The following PRRC2A variants were observed in gnomAD, a reference collection of about 807,000 sequenced individuals.
The protein encoded by PRRC2A is protein PRRC2A.
PRRC2A carries 59 observed loss-of-function variants against 224.6 expected under a neutral mutation model. The observed-to-expected ratio is 0.26, with a 90% CI of 0.21 to 0.33. The LOEUF (loss-of-function observed/expected upper bound fraction) is 0.33, where lower values mean the gene tolerates loss of function less well. Among genes scored for constraint, PRRC2A ranks in the 10% least tolerant of loss-of-function variants. The probability of loss-of-function intolerance (pLI) is 1.00; values close to 1 mark genes in which losing one functional copy is unlikely to be tolerated. For synonymous variants in PRRC2A, 1,194 were observed against 1,109.5 expected, an observed-to-expected ratio of 1.08 and a Z score of -1.51; for missense variants, 3,095 against 2,880.7, an observed-to-expected ratio of 1.07 and a Z score of -1.70.
chr6:31,629,611 C>T lies in PRRC2A; in HGVS notation c.2020C>T (p.Pro674Ser), dbSNP rs896934747. 2 of 1,612,706 alleles carry T rather than the reference C, an allele frequency of 1.2e-6. No homozygotes were observed. The highest frequency in any genetic ancestry group is 8.5e-7 in the Non-Finnish European group (1 of 1,179,664). The change falls in exon 14 of 31, where the codon CCT becomes TCT. Residue 674 changes from proline (P) to serine (S), a missense_variant. Physicochemically the swap from Pro to Ser is moderately conservative, Grantham distance 74. Around this residue, in one of 8 missense-constraint regions of PRRC2A, gnomAD observed 2,001 missense variants for 1,764.9 expected, o/e 1.13. Coordinates refer to ENST00000376033, the MANE Select transcript of PRRC2A (RefSeq NM_004638.4). Reference sequence around the variant, plus strand: ...GCAGCATCAACAGGGCTCTGCCCCTCCTACCCCAGTGCCCCCATCACCACC... The same window carrying T: ...GCAGCATCAACAGGGCTCTGCCCCTTCTACCCCAGTGCCCCCATCACCACC... ...WQQHQQGSAP[P>S]TPVPPSPPQP... is the part of the protein sequence containing the mutation.
chr6:31,627,035 A>C lies in PRRC2A; in HGVS notation c.1127A>C (p.Lys376Thr). The C allele has an allele frequency of 6.2e-7, 1 of 1,614,190 alleles. No individual in the cohort carries two copies. Among genetic ancestry groups the C allele is most frequent in the South Asian group, 1.1e-5 (1 of 91,088 alleles). Residue 376 changes from lysine to threonine, a missense_variant, in exon 11 of 31, where the codon AAA becomes ACA. Around this residue, in one of 8 missense-constraint regions of PRRC2A, gnomAD observed 2,001 missense variants for 1,764.9 expected, o/e 1.13. Transcript: ENST00000376033. The surrounding 1 kb of genome is among the most constrained non-coding windows in gnomAD (Gnocchi z 5.6). ...GAACGGCCCCCTGAAGCAGATGGCA[A>C]AAAGGGCAACTCCCCCAACAGCGAA... is the stretch of plus-strand genomic sequence containing the variant. ...GEERPPEADG[K>T]KGNSPNSEPP...
In PRRC2A at chr6:31,637,382, GTCCT is replaced by G; in HGVS notation, c.6334-60_6334-57del. ...AATTCGAGTTGCCACCTGATTTCCT[GTCCT>G]TCCGTCTCATCGCTGACCTCTCACT... On this transcript the variant is annotated intron_variant, in intron 30 of 30. Transcript: ENST00000376033. The G allele has an allele frequency of 3.1e-6, 5 of 1,602,070 alleles. No homozygotes were observed. The South Asian group carries it at 3.3e-5, about 11-fold the overall frequency.
chr6:31,633,985 A>C lies in PRRC2A; in HGVS notation c.4715A>C (p.Gln1572Pro). 1 of 1,605,268 alleles carries C rather than the reference A, an allele frequency of 6.2e-7. No individual in the cohort carries two copies. The highest frequency in any genetic ancestry group is 8.5e-7 in the Non-Finnish European group (1 of 1,178,028). ...CCTCCCAGAAAACCAGAGCTGCTAC[A>C]GGAGGTAAGGGATGGGTTTGAGATT... is the stretch of plus-strand genomic sequence containing the variant. ...ERPPRKPELL[Q>P]EESLPPPHSS... The change falls in exon 18 of 31, where the codon CAG (glutamine) becomes CCG (proline). Residue 1572 changes from glutamine (Q) to proline (P), a missense_variant. Around this residue, in one of 8 missense-constraint regions of PRRC2A, gnomAD observed 2,001 missense variants for 1,764.9 expected, o/e 1.13. Coordinates refer to ENST00000376033, the MANE Select transcript of PRRC2A (RefSeq NM_004638.4).
chr6:31,624,067 C>G (rs998802491), intron 3 of PRRC2A, among the ~76,000 whole-genome samples, 158 bp downstream of exon 3: 1 of 152,146 alleles, frequency 6.6e-6, no homozygotes, highest in Non-Finnish European at 1.5e-5. Flanking sequence ...AGGAATGGTA[C>G]TAAACTTTAG....
At position 31,624,300 on chromosome 6, in the gene PRRC2A, A is replaced by G. The variant is rs1775641900; in HGVS notation, c.330A>G (p.Pro110=). Residue 110 remains proline, a synonymous_variant, in exon 4 of 31, where the codon CCA becomes CCG. Transcript: ENST00000376033. ...ASTAQPPESQ[P]LPASQTPASN... is the part of the protein sequence containing the mutation. ...CCGCTCAGCCGCCGGAATCGCAGCC[A>G]CTGCCGGCTTCACAGACGCCTGCCT... 2 of 1,613,950 alleles carry G rather than the reference A, an allele frequency of 1.2e-6. No homozygotes were observed. Among genetic ancestry groups the G allele is most frequent in the East Asian group, 2.2e-5 (1 of 44,888 alleles).
chr6:31,633,831 A>C, intron 17 of PRRC2A, 28 bp from the exon 18 acceptor site: 1 of 1,553,018 alleles, frequency 6.4e-7, no homozygotes, highest in Non-Finnish European at 8.6e-7. Flanking sequence ...AGAGCCAGGC[A>C]GATGCTGACC....
In PRRC2A at chr6:31,627,903, C is replaced by T. The variant is rs17857493; in HGVS notation, c.1429C>T (p.Arg477Cys). ...ARRRREEEER[R>C]MQEERRAACA... ...GCGACGGCGAGAAGAAGAGGAGCGG[C>T]GCATGCAAGAAGAGCGCCGGGCAGC... The change falls in exon 12 of 31, where the codon CGC (arginine) becomes TGC (cysteine). Residue 477 changes from arginine to cysteine, a missense_variant. Transcript: ENST00000376033. The surrounding 1 kb of genome is among the most constrained non-coding windows in gnomAD (Gnocchi z 5.6). 7.4e-6 allele frequency: 12 copies of T among 1,613,012 alleles called. No homozygotes were observed. The highest frequency in any genetic ancestry group is 8.5e-6 in the Non-Finnish European group (10 of 1,180,034).
Position 31,637,299 on chromosome 6 carries a change from C to G in PRRC2A, c.6308C>G (p.Thr2103Ser). Residue 2103 changes from threonine to serine, a missense_variant, in exon 30 of 31, where the codon ACC (threonine) becomes AGC (serine). This residue lies in a region of PRRC2A where 662 missense variants were observed against 609.5 expected (regional missense o/e 1.09). Coordinates refer to ENST00000376033, the MANE Select transcript of PRRC2A (RefSeq NM_004638.4). ...TCCACCTACAGTGGAGTCTTCCGCA[C>G]CCAGCGCGTCGACCTTTACCAGCAG... ...TPSTYSGVFR[T>S]QRVDLYQQAS... The G allele has an allele frequency of 6.2e-7, 1 of 1,612,406 alleles. No individual in the cohort carries two copies. Among genetic ancestry groups the G allele is most frequent in the African/African-American group, 1.3e-5 (1 of 75,044 alleles).
At chr6:31,633,836 C>G in intron 17 of PRRC2A, 23 bp from the exon 18 acceptor site, 1 of 1,567,770 alleles carries the variant, frequency 6.4e-7, no homozygotes, top group East Asian at 2.3e-5. Context: ...CAGGCAGATG[C>G]TGACCCTTTT....
chr6:31,620,729 C>T lies in PRRC2A; in HGVS notation c.-230C>T, dbSNP rs567602926. On this transcript the variant is annotated 5_prime_UTR_variant, in exon 1 of 31. Transcript: ENST00000376033. The stretch of plus-strand genomic sequence containing the variant: ...GATGGGCCGTTAGTCGGGGCTCAGC[C>T]GCGGAGTGAGCGAGGGAGACGGGAG... 1 of 152,212 alleles carries T rather than the reference C, an allele frequency of 6.6e-6. No homozygotes were observed. The highest frequency in any genetic ancestry group is 2.4e-5 in the African/African-American group (1 of 41,446). The allele number at this position is 152,212 out of a possible 1,614,324, so 9.4% of individuals were successfully genotyped here.
Position 31,635,197 on chromosome 6 carries a change from C to T in PRRC2A, c.5226C>T (p.Asp1742=). Residue 1742 remains aspartate (D), a synonymous_variant, in exon 22 of 31, where the codon GAC becomes GAT. Transcript: ENST00000376033. ...GCACAGAACGATCACAGCGTACAGA[C>T]CGAGGCACAGAGCCTGGCCCCATTC... The part of the protein sequence containing the change: ...PIGTERSQRT[D]RGTEPGPIRP... 2 of 1,612,880 alleles carry T rather than the reference C, an allele frequency of 1.2e-6. No homozygotes were observed. Among genetic ancestry groups the T allele is most frequent in the Non-Finnish European group, 1.7e-6 (2 of 1,178,864 alleles).
At chr6:31,629,453 A>T in intron 13 of PRRC2A, 95 bp from the exon 14 acceptor site, 1 of 1,443,450 alleles carries the variant, frequency 6.9e-7, no homozygotes, top group East Asian at 2.3e-5. Context: ...CTCCATTGTC[A>T]CGCCAATTTC....
At chr6:31,634,085 C>T in intron 18 of PRRC2A, 96 bp downstream of exon 18, 1 of 1,577,328 alleles carries the variant, frequency 6.3e-7, no homozygotes, top group African/African-American at 1.4e-5. Context: ...GTTTCTTTCA[C>T]TGTGTTTTTA....
At chr6:31,629,401 A>C in intron 13 of PRRC2A, 67 bp downstream of exon 13, 1 of 1,512,670 alleles carries the variant, frequency 6.6e-7, no homozygotes, top group Admixed American at 2.1e-5. Context: ...AATTCTCTTC[A>C]TAAGTTACCT....
At chr6:31,622,280 C>G (rs1775375692) in intron 1 of PRRC2A, among the ~76,000 whole-genome samples, 1 of 152,192 alleles carries the variant, frequency 6.6e-6, no homozygotes, top group Non-Finnish European at 1.5e-5. Context: ...GAGCTTGTGT[C>G]CAATAAACAG....
In PRRC2A at chr6:31,636,572, A is replaced by C. The variant is rs1777373709; in HGVS notation, c.5898A>C (p.Gln1966His). ...FYSTPLQPGG[Q>H]SGFLPSGAPA... ...CTACTCCTCTGCAGCCTGGTGGCCA[A>C]AGTGGCTTTCTCCCTTCAGGGGCTC... The change falls in exon 27 of 31, where the codon CAA becomes CAC. Residue 1966 changes from glutamine to histidine, a missense_variant. This residue lies in a region of PRRC2A where 662 missense variants were observed against 609.5 expected (regional missense o/e 1.09). Coordinates refer to ENST00000376033, the MANE Select transcript of PRRC2A (RefSeq NM_004638.4). The surrounding 1 kb of genome is among the most constrained non-coding windows in gnomAD (Gnocchi z 4.3). 3 of 1,607,878 alleles carry C rather than the reference A, an allele frequency of 1.9e-6. No individual in the cohort carries two copies. The highest frequency in any genetic ancestry group is 2.5e-6 in the Non-Finnish European group (3 of 1,177,746).
chr6:31,635,750 G>A lies in PRRC2A; in HGVS notation c.5541+1G>A, dbSNP rs2150535184. On this transcript the variant is annotated splice_donor_variant, in intron 24 of 30. Transcript: ENST00000376033. LOFTEE classifies it high-confidence loss of function. ...CAGTGCTGGGCCTTCCAGTTCTCAG[G>A]TAGGCCCCGCTTCCCATTGCATGAC... 2 of 1,576,398 alleles carry A rather than the reference G, an allele frequency of 1.3e-6. No homozygotes were observed. The highest frequency in any genetic ancestry group is 1.7e-6 in the Non-Finnish European group (2 of 1,162,906).
Position 31,628,018 on chromosome 6 carries a change from C to G in PRRC2A, c.1544C>G (p.Pro515Arg). ...GAGCCTGCTGCCCCACCTGCTGCCC[C>G]TTCTACCCCAGCTCCACCACCTGCA... ...KAEPAAPPAA[P>R]STPAPPPAVP... is the part of the protein sequence containing the mutation. Residue 515 changes from proline (P) to arginine (R), a missense_variant, in exon 12 of 31, where the codon CCT (proline) becomes CGT (arginine). Coordinates refer to ENST00000376033, the MANE Select transcript of PRRC2A (RefSeq NM_004638.4). 1 of 1,612,394 alleles carries G rather than the reference C, an allele frequency of 6.2e-7. No individual in the cohort carries two copies. The highest frequency in any genetic ancestry group is 1.1e-5 in the South Asian group (1 of 91,048).
chr6:31,635,264 A>G lies in PRRC2A; in HGVS notation c.5293A>G (p.Ser1765Gly), dbSNP rs778588171. The change falls in exon 22 of 31, where the codon AGT becomes GGT. Residue 1765 changes from serine to glycine, a missense_variant. Transcript: ENST00000376033. ...RPGPPVQFGT[S>G]DKDSDLRLVV... ...TGGTCCCCCAGTCCAGTTTGGCACT[A>G]GTGACAAGGTCTGTGTGGGCTGGAT... 5 of 1,614,152 alleles carry G rather than the reference A, an allele frequency of 3.1e-6. No individual in the cohort carries two copies. The highest frequency in any genetic ancestry group is 4.2e-6 in the Non-Finnish European group (5 of 1,179,992).
Sources: allele counts gnomAD v4.1 joint callset (sites outside exome capture counted in the v4.1 genomes callset), GRCh38; gene constraint gnomAD v4.1.1; regional missense constraint gnomAD v4.1.1; non-coding constraint Gnocchi (gnomAD v3.1); transcripts MANE v1.5; gene names NCBI Gene and HGNC (gene_info 2026-07-23, HGNC 2026-07-21).